Variants in ASPRV1 observed in about 807,000 individuals in gnomAD.
ASPRV1 encodes aspartic peptidase retroviral like 1, also known as retroviral-like aspartic protease 1.
ASPRV1 carries 7 observed loss-of-function variants against 11.0 expected under a neutral mutation model. That is an observed-to-expected ratio of 0.64 (90% CI 0.36 to 1.20). The LOEUF (loss-of-function observed/expected upper bound fraction) is 1.20. Ranked by LOEUF, ASPRV1 falls within the 50% of genes most tolerant of loss-of-function variation. The probability of loss-of-function intolerance (pLI) is 0.02; values close to 1 mark genes in which losing one functional copy is unlikely to be tolerated. For missense variants in ASPRV1, 299 were observed against 320.0 expected (o/e 0.93, Z 0.50); for synonymous variants, 136 against 138.4 (o/e 0.98, Z 0.12).
At chr2:70,081,888 T>C in the ASPRV1 span, among the ~76,000 whole-genome samples, 1 of 151,938 alleles carries the variant, frequency 6.6e-6, no homozygotes, top group African/African-American at 2.4e-5. Flanking sequence ...CCCAGACTAC[T>C]ATTACTTTAA....
chr2:69,994,874 C>T, the ASPRV1 span, among the ~76,000 whole-genome samples: 5 of 151,442 alleles, frequency 3.3e-5, no homozygotes, highest in Non-Finnish European at 7.4e-5. Flanking sequence ...TGGTGGCAGG[C>T]ACCTGTAGTC....
the ASPRV1 span, among the ~76,000 whole-genome samples, chr2:70,027,646 A>C: frequency 5.3e-5 from 8 of 152,224 alleles, no homozygotes; most frequent in African/African-American, 1.9e-4. Context: ...AAAAAAGGTG[A>C]TCTCATGGAA....
At chr2:70,036,527 A>G in the ASPRV1 span, among the ~76,000 whole-genome samples, 1 of 152,206 alleles carries the variant, frequency 6.6e-6, no homozygotes, top group South Asian at 2.1e-4. Flanking sequence ...AGGAGAACAG[A>G]GTAACAAGTC....
the ASPRV1 span, among the ~76,000 whole-genome samples, chr2:69,997,707 G>C: frequency 3.3e-5 from 5 of 152,190 alleles, no homozygotes; most frequent in African/African-American, 1.2e-4. Context: ...CTGAACCACA[G>C]ATGAGCAACA....
chr2:69,960,680 C>G lies in ASPRV1; in HGVS notation c.757G>C (p.Gly253Arg). ...LIEEDPSSEE[G>R]RQELSH ...TCTCAGTGGGATAGCTCCTGCCGCC[C>G]TTCTTCTGAGGAGGGGTCCTCCTCT... is the stretch of plus-strand genomic sequence containing the variant. The change falls in exon 1 of 1, where the codon GGG becomes CGG. Residue 253 changes from glycine to arginine, a missense_variant. By Grantham distance (125) the Gly-to-Arg change is moderately radical. Transcript: ENST00000320256. The G allele has an allele frequency of 3.7e-6, 6 of 1,613,190 alleles. No individual in the cohort carries two copies. Among genetic ancestry groups the G allele is most frequent in the Non-Finnish European group, 5.1e-6 (6 of 1,179,594 alleles).
chr2:70,009,887 T>C, the ASPRV1 span, among the ~76,000 whole-genome samples: 1 of 152,202 alleles, frequency 6.6e-6, no homozygotes, highest in African/African-American at 2.4e-5. Flanking sequence ...TAGATGTATC[T>C]GTAGGGCGAA....
the ASPRV1 span, among the ~76,000 whole-genome samples, chr2:70,072,896 T>TAAAA: frequency 2.8e-5 from 2 of 70,326 alleles, no homozygotes; most frequent in African/African-American, 4.1e-5. Flanking sequence ...TATAAAAAAC[T>TAAAA]AAAAAAAAAA....
the ASPRV1 span, among the ~76,000 whole-genome samples, chr2:70,053,212 G>C: frequency 6.6e-6 from 1 of 152,118 alleles, no homozygotes; most frequent in Non-Finnish European, 1.5e-5. Context: ...TTTTCAGTCT[G>C]GGGTGAGGGT....
the ASPRV1 span, among the ~76,000 whole-genome samples, chr2:70,029,359 G>A: frequency 1.3e-5 from 2 of 152,100 alleles, no homozygotes; most frequent in Admixed American, 6.5e-5. Flanking sequence ...ACAGGAGTTC[G>A]GCCAGGCACG....
chr2:70,064,435 T>C, the ASPRV1 span, among the ~76,000 whole-genome samples: 1 of 152,060 alleles, frequency 6.6e-6, no homozygotes, highest in Non-Finnish European at 1.5e-5. Context: ...ACAATACATA[T>C]GATAATTAAT....
At chr2:69,968,072 A>C in the ASPRV1 span, among the ~76,000 whole-genome samples, 1 of 152,110 alleles carries the variant, frequency 6.6e-6, no homozygotes, top group Non-Finnish European at 1.5e-5. Context: ...ACAGAGCAAG[A>C]CTCTGTCTCA....
At chr2:69,994,095 C>G in the ASPRV1 span, 2 of 152,248 alleles carry the variant, frequency 1.3e-5, no homozygotes, top group East Asian at 3.8e-4. Flanking sequence ...CTCACTTGCA[C>G]GTGGAATGCT....
At chr2:70,084,914 G>A in the ASPRV1 span, among the ~76,000 whole-genome samples, 2 of 152,158 alleles carry the variant, frequency 1.3e-5, no homozygotes, top group Non-Finnish European at 2.9e-5. Flanking sequence ...AAACCACTTT[G>A]GAAAATATAT....
At chr2:70,022,080 T>G in the ASPRV1 span, among the ~76,000 whole-genome samples, 1 of 151,288 alleles carries the variant, frequency 6.6e-6, no homozygotes, top group African/African-American at 2.4e-5. Flanking sequence ...AGTGGTGCGA[T>G]CTCGGCTCAC....
At chr2:69,961,980 G>A (rs930805583), upstream of ASPRV1, 17 of 353,124 alleles carry the variant, frequency 4.8e-5, no homozygotes, top group Admixed American at 1.3e-4. Flanking sequence ...CTCAGAGACC[G>A]GGGAAGCCGC....
chr2:70,035,881 T>A, the ASPRV1 span, among the ~76,000 whole-genome samples: 5 of 151,842 alleles, frequency 3.3e-5, no homozygotes, highest in African/African-American at 4.8e-5. Context: ...TTTTTTTTTT[T>A]ATTTAACTAA....
chr2:69,955,673 T>C (rs7583236), downstream of ASPRV1, among the ~76,000 whole-genome samples: 24,883 of 152,180 alleles, frequency 0.16, 2,514 homozygotes, highest in East Asian at 0.29. Flanking sequence ...AGCGTGATGA[T>C]TGGATGTTTG....
chr2:70,013,166 G>A, the ASPRV1 span, among the ~76,000 whole-genome samples: 7 of 152,156 alleles, frequency 4.6e-5, no homozygotes, highest in East Asian at 1.9e-4. Flanking sequence ...TCAAAATGAC[G>A]AATGCATGAT....
At chr2:70,057,190 C>T in the ASPRV1 span, among the ~76,000 whole-genome samples, 2 of 151,770 alleles carry the variant, frequency 1.3e-5, no homozygotes, top group Non-Finnish European at 2.9e-5. Context: ...TTGCTTGAGT[C>T]CACGTGTTCT....
Sources: allele counts gnomAD v4.1 joint callset (sites outside exome capture counted in the v4.1 genomes callset), GRCh38; gene constraint gnomAD v4.1.1; transcripts MANE v1.5; gene names NCBI Gene and HGNC (gene_info 2026-07-23, HGNC 2026-07-21).